Variants in ILKAP observed in about 807,000 individuals in gnomAD.
The protein encoded by ILKAP is ILK associated serine/threonine phosphatase.
In ILKAP, 11 loss-of-function variants were observed where a neutral mutation model predicts 49.1. The ratio of observed to expected loss-of-function variants is 0.22; its 90% CI spans 0.14 to 0.37. The LOEUF (loss-of-function observed/expected upper bound fraction) is 0.37. Ranked by LOEUF, ILKAP falls within the 10% of genes least tolerant of loss-of-function variation. The pLI, the probability that ILKAP is intolerant of heterozygous loss-of-function variation, is 1.00. For synonymous variants in ILKAP, 186 were observed against 192.8 expected, an observed-to-expected ratio of 0.96 and a Z score of 0.29; for missense variants, 363 against 510.8, an observed-to-expected ratio of 0.71 and a Z score of 2.79.
chr2:238,198,205 A>C (rs1265681670), intron 1 of ILKAP, among the ~76,000 whole-genome samples: 1 of 152,124 alleles, frequency 6.6e-6, no homozygotes. Flanking sequence ...TCATAGATAC[A>C]TAAGGAAACT....
intron 1 of ILKAP, among the ~76,000 whole-genome samples, chr2:238,199,360 T>G (rs1023095721): frequency 2.0e-5 from 3 of 152,204 alleles, no homozygotes; most frequent in Non-Finnish European, 2.9e-5. Context: ...CCCCAAAAAG[T>G]TGTAATTTTC....
chr2:238,189,683 T>C (rs1694043331), intron 4 of ILKAP, 170 bp downstream of exon 4: 1 of 530,020 alleles, frequency 1.9e-6, no homozygotes, highest in South Asian at 2.3e-5. Context: ...ACATGAAAAG[T>C]AGGAGAAAGC....
chr2:238,170,821 C>T, intron 11 of ILKAP, 122 bp downstream of exon 11: 1 of 1,460,346 alleles, frequency 6.8e-7, no homozygotes, highest in Non-Finnish European at 9.6e-7. Flanking sequence ...AGGCAGAGTT[C>T]ACACTGAAAA....
intron 10 of ILKAP, among the ~76,000 whole-genome samples, chr2:238,171,971 T>C (rs1316809770): frequency 6.6e-6 from 1 of 152,210 alleles, no homozygotes; most frequent in Non-Finnish European, 1.5e-5. Context: ...CCCACAGCTT[T>C]GCGGTATAAG....
intron 9 of ILKAP, among the ~76,000 whole-genome samples, chr2:238,180,827 A>C (rs1574786908): frequency 6.6e-6 from 1 of 152,254 alleles, no homozygotes; most frequent in Admixed American, 6.5e-5. Context: ...TCAGTATCCA[A>C]TTATTTTCAA....
chr2:238,176,060 C>T (rs2106327340), intron 9 of ILKAP, among the ~76,000 whole-genome samples: 1 of 151,642 alleles, frequency 6.6e-6, no homozygotes, highest in East Asian at 2.0e-4. Context: ...AAACAAACTG[C>T]CCAAAGTTCA....
chr2:238,173,723 C>A, intron 9 of ILKAP, 70 bp from the exon 10 acceptor site: 1 of 1,513,892 alleles, frequency 6.6e-7, no homozygotes, highest in Middle Eastern at 1.7e-4. Context: ...TAGAATCTCA[C>A]CTTAAAAGCA....
At chr2:238,191,430 G>A (rs1405876450) in intron 3 of ILKAP, among the ~76,000 whole-genome samples, 1 of 152,174 alleles carries the variant, frequency 6.6e-6, no homozygotes, top group East Asian at 1.9e-4. Flanking sequence ...CTCAAGAAGC[G>A]TAAATTAGTT....
intron 1 of ILKAP, among the ~76,000 whole-genome samples, chr2:238,200,460 T>A (rs1254697286): frequency 3.3e-5 from 5 of 152,240 alleles, no homozygotes; most frequent in Non-Finnish European, 7.3e-5. Flanking sequence ...TGTAGTATTC[T>A]CCCTTTGGAC....
rs1559287654 is a variant in ILKAP at position 238,173,579 on chromosome 2, G to A, written c.911C>T (p.Thr304Ile). 1.2e-6 allele frequency: 2 copies of A among 1,613,896 alleles called. No homozygotes were observed. Among genetic ancestry groups the A allele is most frequent in the African/African-American group, 1.3e-5 (1 of 74,914 alleles). ...GDGQYKRCGV[T>I]SVPDIRRCQL... ...GCAGCGTCTGATGTCGGGCACAGAGGTGACACCGCAGCGCTTGTACTGCCC... is the reference window on the plus strand; with the variant it reads ...GCAGCGTCTGATGTCGGGCACAGAGATGACACCGCAGCGCTTGTACTGCCC... Residue 304 changes from threonine to isoleucine, a missense_variant, in exon 10 of 12, where the codon ACC becomes ATC. Around this residue, in one of 3 missense-constraint regions of ILKAP, gnomAD observed 166 missense variants for 307.3 expected, o/e 0.54. Transcript: ENST00000254654.
intron 6 of ILKAP, 143 bp from the exon 7 acceptor site, chr2:238,184,256 C>T: frequency 1.7e-6 from 1 of 602,808 alleles, no homozygotes; most frequent in Non-Finnish European, 3.0e-6. Flanking sequence ...GTGGCGCGAT[C>T]TCAGCTCACT....
At chr2:238,180,958 G>A (rs912241321) in intron 9 of ILKAP, among the ~76,000 whole-genome samples, 4 of 152,266 alleles carry the variant, frequency 2.6e-5, no homozygotes, top group African/African-American at 9.6e-5. Context: ...TACCAGGACA[G>A]TAGTTACGGT....
intron 8 of ILKAP, among the ~76,000 whole-genome samples, chr2:238,182,904 G>C (rs939108854): frequency 6.6e-6 from 1 of 152,196 alleles, no homozygotes; most frequent in Non-Finnish European, 1.5e-5. Context: ...CATACCCCTA[G>C]CACTTAGTAT....
intron 10 of ILKAP, among the ~76,000 whole-genome samples, chr2:238,173,059 C>T (rs1693295872): frequency 6.6e-6 from 1 of 152,182 alleles, no homozygotes; most frequent in Non-Finnish European, 1.5e-5. Flanking sequence ...ACCTATGATT[C>T]TCCACCAATG....
Position 238,170,667 on chromosome 2 carries a change from T to G in ILKAP, c.1048A>C (p.Ile350Leu). The change falls in exon 12 of 12, where the codon ATC becomes CTC. Residue 350 changes from isoleucine (I) to leucine (L), a missense_variant. Physicochemically the swap from Ile to Leu is conservative, Grantham distance 5. Transcript: ENST00000254654. ...GCGGACTTCCCTTCCCGGGTCTGGATCTTTTCATCCTACCAGATGAGAAAG... is the reference window on the plus strand; with the variant it reads ...GCGGACTTCCCTTCCCGGGTCTGGAGCTTTTCATCCTACCAGATGAGAAAG... ...FILSCLEDEK[I>L]QTREGKSAAD... 1 of 1,596,228 alleles carries G rather than the reference T, an allele frequency of 6.3e-7. No individual in the cohort carries two copies. The highest frequency in any genetic ancestry group is 8.6e-7 in the Non-Finnish European group (1 of 1,166,328).
intron 1 of ILKAP, among the ~76,000 whole-genome samples, chr2:238,198,527 C>A (rs947720642): frequency 1.4e-4 from 22 of 152,216 alleles, no homozygotes; most frequent in African/African-American, 5.3e-4. Context: ...ATGTGACCCA[C>A]TGCTCCAGGC....
At chr2:238,200,183 GC>G (rs1436422010) in intron 1 of ILKAP, among the ~76,000 whole-genome samples, 1 of 147,142 alleles carries the variant, frequency 6.8e-6, no homozygotes, top group Admixed American at 6.8e-5. Context: ...TTCCATTTCT[GC>G]CTGATATGAA....
At chr2:238,196,661 A>G (rs953103432) in intron 1 of ILKAP, among the ~76,000 whole-genome samples, 3 of 152,246 alleles carry the variant, frequency 2.0e-5, no homozygotes, top group African/African-American at 7.2e-5. Flanking sequence ...TTAAAAATTT[A>G]TAAACTTAAG....
At chr2:238,198,270 G>A (rs893442742) in intron 1 of ILKAP, among the ~76,000 whole-genome samples, 2 of 151,006 alleles carry the variant, frequency 1.3e-5, no homozygotes, top group African/African-American at 4.9e-5. Flanking sequence ...CAAGAGTCTC[G>A]CTCTGTGAGC....
Sources: allele counts gnomAD v4.1 joint callset (sites outside exome capture counted in the v4.1 genomes callset), GRCh38; gene constraint gnomAD v4.1.1; regional missense constraint gnomAD v4.1.1; transcripts MANE v1.5; gene names NCBI Gene and HGNC (gene_info 2026-07-23, HGNC 2026-07-21).